Variants in TRIO observed in about 807,000 individuals in gnomAD.
TRIO encodes triple functional domain protein.
Under a neutral mutation model 351.9 loss-of-function variants are expected in TRIO, and 58 were observed. That is an observed-to-expected ratio of 0.16 (90% confidence interval 0.13 to 0.21). TRIO has a LOEUF of 0.21. Ranked by LOEUF, TRIO falls within the 10% of genes least tolerant of loss-of-function variation. TRIO has a pLI of 1.00. For synonymous variants in TRIO, 1,758 were observed against 1,595.7 expected, an observed-to-expected ratio of 1.10 and a Z score of -2.42; for missense variants, 3,201 against 4,027.8, an observed-to-expected ratio of 0.79 and a Z score of 5.56.
intron 16 of TRIO, 73 bp downstream of exon 16, chr5:14,367,052 G>T (rs1235065967): frequency 8.2e-6 from 13 of 1,587,172 alleles, no homozygotes; most frequent in South Asian, 1.1e-5. Context: ...CCCCCAACAT[G>T]GCACTGACCA....
At chr5:14,199,111 C>T (rs2152167808) in intron 1 of TRIO, among the ~76,000 whole-genome samples, 1 of 139,702 alleles carries the variant, frequency 7.2e-6, no homozygotes, top group South Asian at 2.4e-4. Context: ...ATGGCAGGTG[C>T]CTGTAATCCC....
chr5:14,442,802 A>G (rs181683971), intron 34 of TRIO, among the ~76,000 whole-genome samples: 5 of 152,332 alleles, frequency 3.3e-5, no homozygotes, highest in Admixed American at 1.3e-4. Flanking sequence ...TCACATGAAA[A>G]GTCTGATTTG....
chr5:14,327,134 C>G (rs1377715540), intron 9 of TRIO, among the ~76,000 whole-genome samples: 1 of 152,154 alleles, frequency 6.6e-6, no homozygotes, highest in Non-Finnish European at 1.5e-5. Context: ...TCCTAAAATA[C>G]TTGGAAACAA....
chr5:14,209,374 G>A lies in TRIO; in HGVS notation c.158-61451G>A, dbSNP rs567690088. Among the ~76,000 whole-genome samples the A allele has an allele frequency of 4.6e-5, 7 of 152,356 alleles. No homozygotes were observed. In the South Asian group the frequency reaches 8.3e-4, roughly 18 times the overall value. ...ATACATAGAAGTAGAAAGAATGGGT[G>A]ATGCCACCCGTGAGCTCTTCGGAAG... On this transcript the variant is annotated intron_variant, in intron 1 of 56. Transcript: ENST00000344204.
At chr5:14,400,398 G>A (rs370736652) in intron 30 of TRIO, among the ~76,000 whole-genome samples, 139 of 152,180 alleles carry the variant, frequency 9.1e-4, no homozygotes, top group African/African-American at 3.3e-3. Context: ...TGTGGGGGAG[G>A]GGCTGAAGCT....
At chr5:14,376,573 T>C (rs1745579379) in intron 19 of TRIO, among the ~76,000 whole-genome samples, 1 of 152,218 alleles carries the variant, frequency 6.6e-6, no homozygotes, top group African/African-American at 2.4e-5. Context: ...TCTTTCTGTG[T>C]CAGAATTTAA....
chr5:14,500,050 CAAAAAAAA>C (rs35276206), intron 53 of TRIO, among the ~76,000 whole-genome samples: 2 of 91,112 alleles, frequency 2.2e-5, no homozygotes, highest in Non-Finnish European at 4.5e-5. Context: ...GACTCTGTCT[CAAAAAAAA>C]AAAAAAAAAA....
chr5:14,415,076 G>A (rs1749529905), intron 33 of TRIO, among the ~76,000 whole-genome samples: 1 of 152,130 alleles, frequency 6.6e-6, no homozygotes, highest in Non-Finnish European at 1.5e-5. Flanking sequence ...AGACCCTTTT[G>A]TGAGGTTTCT....
intron 8 of TRIO, among the ~76,000 whole-genome samples, chr5:14,313,338 G>A (rs1216501290): frequency 6.6e-6 from 1 of 152,212 alleles, no homozygotes; most frequent in Non-Finnish European, 1.5e-5. Context: ...ATGAGCAAGT[G>A]TGTCCTTCGA....
intron 36 of TRIO, among the ~76,000 whole-genome samples, chr5:14,464,976 A>T (rs529921323): frequency 1.3e-5 from 2 of 152,080 alleles, no homozygotes; most frequent in Non-Finnish European, 2.9e-5. Flanking sequence ...TGCACTAATC[A>T]TGGGGAAATG....
chr5:14,490,454 G>A (rs552121982), intron 48 of TRIO, among the ~76,000 whole-genome samples: 1 of 152,378 alleles, frequency 6.6e-6, no homozygotes, highest in Admixed American at 6.5e-5. Context: ...TCTGCTGACA[G>A]CAGGAGTGAC....
intron 33 of TRIO, among the ~76,000 whole-genome samples, chr5:14,414,127 C>T (rs537140183): frequency 6.6e-6 from 1 of 152,336 alleles, no homozygotes; most frequent in Admixed American, 6.5e-5. Flanking sequence ...GAGTGCACTA[C>T]GTGAGGCAGG....
chr5:14,166,831 C>T (rs956302285), intron 1 of TRIO, among the ~76,000 whole-genome samples: 1 of 152,134 alleles, frequency 6.6e-6, no homozygotes, highest in Admixed American at 6.5e-5. Flanking sequence ...ACGGTAGATT[C>T]TTACGGATGA....
At chr5:14,327,455 C>T (rs1047587643) in intron 9 of TRIO, among the ~76,000 whole-genome samples, 9 of 152,166 alleles carry the variant, frequency 5.9e-5, no homozygotes, top group African/African-American at 1.7e-4. Context: ...TGAGCCACCG[C>T]GCCTGGCCAG....
chr5:14,293,189 G>A, intron 6 of TRIO, 55 bp downstream of exon 6: 1 of 1,611,146 alleles, frequency 6.2e-7, no homozygotes, highest in Non-Finnish European at 8.5e-7. Context: ...TAGCAAATGG[G>A]AGGCATTTGG....
At chr5:14,433,595 G>A (rs1048078506) in intron 34 of TRIO, among the ~76,000 whole-genome samples, 8 of 152,288 alleles carry the variant, frequency 5.3e-5, no homozygotes, top group African/African-American at 1.9e-4. Context: ...TTAAAAAAAT[G>A]GTATGACATT....
chr5:14,334,042 G>A (rs947245247), intron 10 of TRIO, among the ~76,000 whole-genome samples: 7 of 152,196 alleles, frequency 4.6e-5, no homozygotes, highest in Admixed American at 1.3e-4. Flanking sequence ...CTTAGGTACT[G>A]GTTGTTTTAA....
chr5:14,167,234 G>T (rs1024857334), intron 1 of TRIO, among the ~76,000 whole-genome samples: 4 of 151,648 alleles, frequency 2.6e-5, no homozygotes, highest in East Asian at 1.9e-4. Flanking sequence ...AGTAACTCTG[G>T]GGGGAAGATG....
intron 11 of TRIO, among the ~76,000 whole-genome samples, chr5:14,356,596 A>G (rs943618613): frequency 6.6e-6 from 1 of 152,216 alleles, no homozygotes; most frequent in East Asian, 1.9e-4. Flanking sequence ...CACCTGCCAT[A>G]TGATCCAGCC....
Sources: gnomAD v4.1 joint callset for allele counts (sites outside exome capture counted in the v4.1 genomes callset) on GRCh38, gnomAD v4.1.1 for gene constraint, MANE v1.5 for transcripts, NCBI Gene and HGNC (gene_info 2026-07-23, HGNC 2026-07-21) for gene names.